Variants in MCF2L observed in about 807,000 individuals in gnomAD.
MCF2L encodes MCF.2 cell line derived transforming sequence like.
Under a neutral mutation model 153.4 loss-of-function variants are expected in MCF2L, and 97 were observed. The observed-to-expected ratio is 0.63, with a 90% CI of 0.54 to 0.75. The LOEUF (loss-of-function observed/expected upper bound fraction) is 0.75. MCF2L is among the 30% of genes least tolerant of loss of function. The probability of loss-of-function intolerance (pLI) is 0.00; values close to 1 mark genes in which losing one functional copy is unlikely to be tolerated. For synonymous variants in MCF2L, 659 were observed against 632.2 expected (o/e 1.04, Z -0.64); for missense variants, 1,347 against 1,495.2 (o/e 0.90, Z 1.64).
rs2034494495 is a variant in MCF2L, at chr13:113,084,957, A to G, written c.2127A>G (p.Arg709=). 6.2e-7 allele frequency: 1 copy of G among 1,613,876 alleles called. No homozygotes were observed. Among genetic ancestry groups the G allele is most frequent in the African/African-American group, 1.3e-5 (1 of 74,918 alleles). ...AGCCCCGCTCTGAGAGCCTGTGGAG[A>G]CAGTGCTCCGACTGCCCGTTTTTCC... ...QNKPRSESLW[R]QCSDCPFFQE... Residue 709 remains arginine (R), a synonymous_variant, in exon 19 of 30, where the codon AGA becomes AGG. Coordinates refer to ENST00000535094, the MANE Select transcript of MCF2L (RefSeq NM_001112732.3).
At chr13:112,990,370 A>C (rs1184950215) in intron 1 of MCF2L, among the ~76,000 whole-genome samples, 1 of 152,232 alleles carries the variant, frequency 6.6e-6, no homozygotes, top group Non-Finnish European at 1.5e-5. Context: ...TTCACCCCAG[A>C]GAAGCCTGTT....
intron 2 of MCF2L, among the ~76,000 whole-genome samples, chr13:112,936,351 C>G (rs1318208900): frequency 6.6e-6 from 1 of 150,986 alleles, no homozygotes; most frequent in Non-Finnish European, 1.5e-5. Flanking sequence ...GCCTCCAGAG[C>G]AGACAGAATA....
intron 5 of MCF2L, among the ~76,000 whole-genome samples, chr13:113,062,401 T>C (rs1297199595): frequency 6.6e-6 from 1 of 152,170 alleles, no homozygotes; most frequent in Non-Finnish European, 1.5e-5. Flanking sequence ...TTGTGTGTGT[T>C]ATGGCCCTTA....
At chr13:113,038,824 AC>A (rs1566782211) in intron 3 of MCF2L, among the ~76,000 whole-genome samples, 3 of 152,204 alleles carry the variant, frequency 2.0e-5, no homozygotes, top group African/African-American at 7.2e-5. Context: ...ATCCAGACAG[AC>A]CACACATCTG....
At chr13:113,016,691 C>T (rs1249140902) in intron 2 of MCF2L, among the ~76,000 whole-genome samples, 1 of 152,188 alleles carries the variant, frequency 6.6e-6, no homozygotes, top group Non-Finnish European at 1.5e-5. Context: ...CCCTGCCTCC[C>T]GCCAACCTCG....
At chr13:113,011,851 G>A (rs1347189984) in intron 1 of MCF2L, among the ~76,000 whole-genome samples, 4 of 87,492 alleles carry the variant, frequency 4.6e-5, no homozygotes, top group African/African-American at 9.1e-5. Flanking sequence ...GTGGACAGGC[G>A]GTGTGGACGG....
intron 1 of MCF2L, among the ~76,000 whole-genome samples, chr13:112,992,636 A>T (rs2140985287): frequency 6.6e-6 from 1 of 152,332 alleles, no homozygotes; most frequent in Admixed American, 6.5e-5. Context: ...CCACTGAATA[A>T]TGATGTGGAA....
At chr13:113,017,376 C>T (rs2084599326) in intron 2 of MCF2L, among the ~76,000 whole-genome samples, 1 of 152,230 alleles carries the variant, frequency 6.6e-6, no homozygotes, top group Non-Finnish European at 1.5e-5. Flanking sequence ...GCAGCCGCCT[C>T]ACCTGTACGT....
At chr13:112,961,187 G>C (rs191776509) in intron 2 of MCF2L, among the ~76,000 whole-genome samples, 1 of 152,118 alleles carries the variant, frequency 6.6e-6, no homozygotes, top group South Asian at 2.1e-4. Context: ...CTGAAGATGC[G>C]GGCTGCTAAG....
chr13:112,976,541 TG>T (rs992199786), intron 1 of MCF2L, among the ~76,000 whole-genome samples: 4 of 152,174 alleles, frequency 2.6e-5, no homozygotes. Context: ...AGGTCGCTCA[TG>T]GGGCGGCAAG....
chr13:113,056,222 T>A (rs1222048366), intron 4 of MCF2L, among the ~76,000 whole-genome samples: 1 of 152,256 alleles, frequency 6.6e-6, no homozygotes, highest in South Asian at 2.1e-4. Flanking sequence ...TCTCTGGTTT[T>A]AATTCCTACA....
rs1289418005 is a variant in MCF2L at position 113,011,952 on chromosome 13, C to T, written c.80-2811C>T. On this transcript the variant is annotated intron_variant, in intron 1 of 29. Transcript: ENST00000535094. ...ACAGGCGGTGTGGATGGTGGACAGGCGGTGTGGACGGTGGACAGGCTGGGT... is the reference window on the plus strand; with the variant it reads ...ACAGGCGGTGTGGATGGTGGACAGGTGGTGTGGACGGTGGACAGGCTGGGT... 5.7e-4 allele frequency among the ~76,000 whole-genome samples: 60 copies of T among 104,716 alleles called. 2 individuals carry two copies. The highest frequency in any genetic ancestry group is 1.9e-3 in the African/African-American group (56 of 29,584). The allele number at this position is 104,716 out of a possible 152,430, so 68.7% of individuals were successfully genotyped here. A position where few individuals can be genotyped will look rare whatever the true frequency, so the allele number is the denominator to read the frequency against.
chr13:112,906,267 G>C (rs2081172132), intron 2 of MCF2L, among the ~76,000 whole-genome samples: 1 of 152,216 alleles, frequency 6.6e-6, no homozygotes, highest in Non-Finnish European at 1.5e-5. Flanking sequence ...GGGACACACT[G>C]CAGACAGGCC....
At chr13:112,944,283 A>G (rs2081612417) in intron 2 of MCF2L, among the ~76,000 whole-genome samples, 1 of 152,018 alleles carries the variant, frequency 6.6e-6, no homozygotes, top group African/African-American at 2.4e-5. Flanking sequence ...GAGCAAGCTC[A>G]TGACCCTCAT....
At position 113,045,222 on chromosome 13, in the gene MCF2L, C is replaced by T. The variant is rs769071573; in HGVS notation, c.279-49C>T. 4.1e-6 allele frequency: 6 copies of T among 1,451,014 alleles called. No individual in the cohort carries two copies. Among genetic ancestry groups the T allele is most frequent in the Admixed American group, 1.7e-5 (1 of 59,730 alleles). The allele number at this position is 1,451,014 out of a possible 1,614,324, so 89.9% of individuals were successfully genotyped here. A position where few individuals can be genotyped will look rare whatever the true frequency, so the allele number is the denominator to read the frequency against. ...TTTTCTGAGGGATTTCGTGGGCAGC[C>T]GGCTTCCCACCTGCACACATTAACG... On this transcript the variant is annotated intron_variant, in intron 3 of 29. Coordinates refer to ENST00000535094, the MANE Select transcript of MCF2L (RefSeq NM_001112732.3). This position sits in a 1 kb window ranked among gnomAD's most constrained non-coding sequence, Gnocchi z 4.2.
At chr13:112,967,439 A>G (rs1260487862), upstream of MCF2L, 3 of 152,130 alleles carry the variant, frequency 2.0e-5, no homozygotes, top group Admixed American at 6.5e-5. Flanking sequence ...AACTGCTGAT[A>G]CTCAATACGT....
chr13:113,091,285 AG>A, intron 26 of MCF2L: 1 of 1,149,722 alleles, frequency 8.7e-7, no homozygotes, highest in Non-Finnish European at 1.2e-6. Flanking sequence ...AGGCCACCTA[AG>A]GGGGATGCTC....
rs896284199 is a variant in MCF2L, at chr13:112,995,100, C to T, written c.80-19663C>T. Among the ~76,000 whole-genome samples the T allele has an allele frequency of 4.6e-5, 7 of 152,320 alleles. No individual in the cohort carries two copies. The South Asian group carries it at 8.3e-4, about 18-fold the overall frequency. ...GGCACTCACGTGTGTCTGCCCCTCC[C>T]GTGTTCTCCTCTCCAGGATGCGGCT... On this transcript the variant is annotated intron_variant, in intron 1 of 29. Transcript: ENST00000535094.
chr13:112,918,952 G>A lies in MCF2L; in HGVS notation c.169+16581G>A, dbSNP rs76401004. On this transcript the variant is annotated intron_variant, in intron 2 of 29. Transcript: ENST00000375608. ...GTGGGCTCTGCCCCTGCGCTTCCCC[G>A]ACGCGCGCCCCCTTCCACTGCACTT... Among the ~76,000 whole-genome samples the A allele has an allele frequency of 1.8e-3, 274 of 152,176 alleles. 5 individuals are homozygous for A. In the East Asian group the frequency reaches 0.043, roughly 24 times the overall value.
Sources: allele counts gnomAD v4.1 joint callset (sites outside exome capture counted in the v4.1 genomes callset), GRCh38; gene constraint gnomAD v4.1.1; non-coding constraint Gnocchi (gnomAD v3.1); transcripts MANE v1.5; gene names NCBI Gene and HGNC (gene_info 2026-07-23, HGNC 2026-07-21).